Variants in BRD2 observed in about 807,000 individuals in gnomAD.
The protein encoded by BRD2 is bromodomain-containing protein 2.
Under a neutral mutation model 79.1 loss-of-function variants are expected in BRD2, and 15 were observed. The observed-to-expected ratio is 0.19, with a 90% confidence interval of 0.13 to 0.29. The LOEUF (loss-of-function observed/expected upper bound fraction) is 0.29. Among genes scored for constraint, BRD2 ranks in the 10% least tolerant of loss-of-function variants. The pLI, the probability that BRD2 is intolerant of heterozygous loss-of-function variation, is 1.00. For synonymous variants in BRD2, 488 were observed against 358.6 expected (o/e 1.36, Z -4.08); for missense variants, 1,053 against 991.3 (o/e 1.06, Z -0.84).
rs902105343 is a variant in BRD2, at chr6:32,974,542, C to T, written c.110C>T (p.Ser37Phe). The T allele has an allele frequency of 6.2e-7, 1 of 1,614,106 alleles. No individual in the cohort carries two copies. The highest frequency in any genetic ancestry group is 8.5e-7 in the Non-Finnish European group (1 of 1,180,044). The change falls in exon 3 of 13, where the codon TCT (serine) becomes TTT (phenylalanine). Residue 37 changes from serine (S) to phenylalanine (F), a missense_variant. Ser to Phe is a radical substitution (Grantham distance 155). This residue lies in a region of BRD2 where 413 missense variants were observed against 335.1 expected (regional missense o/e 1.23). Transcript: ENST00000374825. The stretch of plus-strand genomic sequence containing the variant: ...CCAGGGAAGAGGATTCGAAAACCCT[C>T]TCTCTTGTATGAGGGCTTTGAGAGC... ...AAPGKRIRKP[S>F]LLYEGFESPT...
At chr6:32,975,243 G>A in intron 3 of BRD2, 141 bp from the exon 4 acceptor site, 3 of 1,145,784 alleles carry the variant, frequency 2.6e-6, no homozygotes, top group Non-Finnish European at 3.6e-6. Context: ...CAGTTTAATT[G>A]GGGCCGCAGT....
chr6:32,972,798 T>C lies in BRD2; in HGVS notation c.-101T>C. The C allele has an allele frequency of 6.4e-7, 1 of 1,573,282 alleles. No homozygotes were observed. The highest frequency in any genetic ancestry group is 8.7e-7 in the Non-Finnish European group (1 of 1,149,752). ...GCCTGGAGGCCCAAGAGGAACGGCC[T>C]CCCCCCAACTTAGCGGGTTATGCTG... On this transcript the variant is annotated 5_prime_UTR_variant, in exon 2 of 13. Transcript: ENST00000374825.
chr6:32,977,245 G>C (rs750979578), intron 7 of BRD2, 197 bp from the exon 8 acceptor site: 3 of 1,537,090 alleles, frequency 2.0e-6, no homozygotes, highest in Non-Finnish European at 2.6e-6. Context: ...ACTTAGAAAT[G>C]ATTTCTTTTT....
intron 10 of BRD2, chr6:32,978,619 T>C (rs1779093509): frequency 4.6e-6 from 3 of 647,642 alleles, no homozygotes; most frequent in Non-Finnish European, 7.8e-6. Context: ...CCTCAGATCA[T>C]TGGGCCATTG....
Position 32,972,538 on chromosome 6 carries a change from A to C in BRD2, c.-361A>C. Reference sequence around the variant, plus strand: ...CGAAACGGGACCTCGTCGGCCCCGTAGGGGCCCGACAAGAAGAGGGAATCC... The same window carrying C: ...CGAAACGGGACCTCGTCGGCCCCGTCGGGGCCCGACAAGAAGAGGGAATCC... On this transcript the variant is annotated 5_prime_UTR_variant, in exon 2 of 13. Transcript: ENST00000374825. 8.2e-6 allele frequency: 3 copies of C among 363,642 alleles called. No homozygotes were observed. Among genetic ancestry groups the C allele is most frequent in the Non-Finnish European group, 1.0e-5 (2 of 197,636 alleles). The allele number at this position is 363,642 out of a possible 1,614,324, so 22.5% of individuals were successfully genotyped here.
chr6:32,975,267 C>T (rs915755586), intron 3 of BRD2, 117 bp from the exon 4 acceptor site: 3 of 1,100,316 alleles, frequency 2.7e-6, no homozygotes, highest in Non-Finnish European at 3.8e-6. Flanking sequence ...AGTAACTGTT[C>T]CTTTGATGCA....
Position 32,972,335 on chromosome 6 carries a change from T to A in BRD2, c.-564T>A. 1 of 375,754 alleles carries A rather than the reference T, an allele frequency of 2.7e-6. No homozygotes were observed. Among genetic ancestry groups the A allele is most frequent in the Non-Finnish European group, 5.1e-6 (1 of 196,422 alleles). The allele number at this position is 375,754 out of a possible 1,614,324, so 23.3% of individuals were successfully genotyped here. On this transcript the variant is annotated 5_prime_UTR_variant, in exon 2 of 13. It removes an upstream start codon present in the reference 5' UTR. Coordinates refer to ENST00000374825, the MANE Select transcript of BRD2 (RefSeq NM_005104.4). The stretch of plus-strand genomic sequence containing the variant: ...TGGAAATGGCCTTCGTCCCGGCCTA[T>A]GACTGGTCCCAGCGGGCAGTACAGA...
Position 32,971,868 on chromosome 6 carries a change from C to G in BRD2, c.-1031C>G. 1 of 701,362 alleles carries G rather than the reference C, an allele frequency of 1.4e-6. No individual in the cohort carries two copies. Among genetic ancestry groups the G allele is most frequent in the Non-Finnish European group, 2.6e-6 (1 of 384,232 alleles). 43.4% of individuals were successfully genotyped at this position (701,362 alleles called of 1,614,324 possible). On this transcript the variant is annotated 5_prime_UTR_variant, in exon 2 of 13. Coordinates refer to ENST00000374825, the MANE Select transcript of BRD2 (RefSeq NM_005104.4). ...ATGGCTTCCGCACCTCTTCCAACCA[C>G]CCTCTTTCCCTGGAGTCGGCGGACC... is the stretch of plus-strand genomic sequence containing the variant.
At position 32,969,395 on chromosome 6, in the gene BRD2, C is replaced by T. The variant is rs115570183; in HGVS notation, c.-1305+339C>T. 6.7e-3 allele frequency: 4,814 copies of T among 715,594 alleles called. 49 individuals carry two copies. The highest frequency in any genetic ancestry group is 0.032 in the African/African-American group (1,836 of 57,288). The allele number at this position is 715,594 out of a possible 1,614,324, so 44.3% of individuals were successfully genotyped here. ...GGCGGCCGAGGGAGGGGTGACCTGG[C>T]GGTGGGCTGAGGAGTGGTGGCTGTG... On this transcript the variant is annotated intron_variant, in intron 1 of 12. Transcript: ENST00000374825.
chr6:32,980,734 G>A lies in BRD2; in HGVS notation c.*16G>A, dbSNP rs1212323087. ...CTCAGGCTAAGGGGTCAGGCCAGAT[G>A]GGGCAGGAAGGCTCCGCAGGACCGG... On this transcript the variant is annotated 3_prime_UTR_variant, in exon 13 of 13. Coordinates refer to ENST00000374825, the MANE Select transcript of BRD2 (RefSeq NM_005104.4). 2 of 1,612,038 alleles carry A rather than the reference G, an allele frequency of 1.2e-6. No homozygotes were observed. Among genetic ancestry groups the A allele is most frequent in the Non-Finnish European group, 1.7e-6 (2 of 1,180,002 alleles).
chr6:32,975,297 T>G (rs1778583856), intron 3 of BRD2, 87 bp from the exon 4 acceptor site: 2 of 1,131,478 alleles, frequency 1.8e-6, no homozygotes, highest in South Asian at 1.4e-5. Flanking sequence ...TGTGTGTGTG[T>G]GTGTGTGTGT....
intron 1 of BRD2, chr6:32,970,210 G>A (rs2267646): frequency 6.6e-6 from 1 of 152,652 alleles, no homozygotes; most frequent in East Asian, 1.9e-4. Flanking sequence ...GGGCCGCTAG[G>A]GGGAGGGGAA....
rs575012265 is a variant in BRD2 at position 32,977,248 on chromosome 6, T to C, written c.1201-194T>C. On this transcript the variant is annotated intron_variant, in intron 7 of 12. Transcript: ENST00000374825. ...CACCTCTCTGTCACTTAGAAATGATTTCTTTTTCTAGACATAAATATTTCT... is the reference window on the plus strand; with the variant it reads ...CACCTCTCTGTCACTTAGAAATGATCTCTTTTTCTAGACATAAATATTTCT... 6.7e-5 allele frequency: 103 copies of C among 1,538,780 alleles called. 1 individual carries two copies. The East Asian group carries it at 2.5e-3, about 37-fold the overall frequency.
At chr6:32,969,425 C>G (rs1777751380) in intron 1 of BRD2, 2 of 709,232 alleles carry the variant, frequency 2.8e-6, no homozygotes, top group Non-Finnish European at 5.3e-6. Flanking sequence ...GCTGTGGCCC[C>G]TACCCGTGGA....
In BRD2 at chr6:32,979,860, C is replaced by G. The variant is rs1418307455; in HGVS notation, c.1874C>G (p.Pro625Arg). Residue 625 changes from proline (P) to arginine (R), a missense_variant, in exon 11 of 13, where the codon CCT (proline) becomes CGT (arginine). By Grantham distance (103) the Pro-to-Arg change is moderately radical (BLOSUM62 -2). Coordinates refer to ENST00000374825, the MANE Select transcript of BRD2 (RefSeq NM_005104.4). The part of the protein sequence containing the change: ...LPKKATKTAP[P>R]ALPTGYDSEE... ...AAAAAGGCCACAAAGACAGCCCCAC[C>G]TGCCCTGCCTACAGGTTATGATTCA... The G allele has an allele frequency of 2.5e-6, 4 of 1,612,858 alleles. No individual in the cohort carries two copies. Among genetic ancestry groups the G allele is most frequent in the Non-Finnish European group, 3.4e-6 (4 of 1,179,860 alleles).
At position 32,972,799 on chromosome 6, in the gene BRD2, C is replaced by T. The variant is rs919945373; in HGVS notation, c.-100C>T. The T allele has an allele frequency of 3.8e-6, 6 of 1,575,638 alleles. No individual in the cohort carries two copies. The highest frequency in any genetic ancestry group is 2.7e-5 in the African/African-American group (2 of 74,440). On this transcript the variant is annotated 5_prime_UTR_variant, in exon 2 of 13. Transcript: ENST00000374825. The stretch of plus-strand genomic sequence containing the variant: ...CCTGGAGGCCCAAGAGGAACGGCCT[C>T]CCCCCAACTTAGCGGGTTATGCTGG...
Position 32,974,764 on chromosome 6 carries a change from C to T in BRD2, c.332C>T (p.Pro111Leu), listed in dbSNP as rs759417400. The T allele has an allele frequency of 1.9e-5, 30 of 1,612,824 alleles. No homozygotes were observed. The highest frequency in any genetic ancestry group is 2.4e-5 in the Non-Finnish European group (28 of 1,179,218). ...GTGGATGCTGTCAAACTGGGTCTAC[C>T]GGTGAGTAGAGACATTGGAGCCGGG... ...QPVDAVKLGL[P>L]DYHKIIKQPM... Residue 111 changes from proline to leucine, a missense_variant and splice_region_variant, in exon 3 of 13, where the codon CCG becomes CTG. Coordinates refer to ENST00000374825, the MANE Select transcript of BRD2 (RefSeq NM_005104.4).
chr6:32,978,640 A>AGGAGCATGCAGCCTGGATAT (rs1391419461), intron 10 of BRD2: 1 of 604,240 alleles, frequency 1.7e-6, no homozygotes, highest in Non-Finnish European at 2.9e-6. Flanking sequence ...GATTCCCATA[A>AGGAGCATGCAGCCTGGATAT]GGAGCATGCA....
At chr6:32,978,482 T>C in intron 10 of BRD2, 94 bp downstream of exon 10, 1 of 1,532,868 alleles carries the variant, frequency 6.5e-7, no homozygotes, top group Non-Finnish European at 8.7e-7. Flanking sequence ...AAATGGCCAG[T>C]TAACAGATAC....
Sources: allele counts gnomAD v4.1 joint callset, GRCh38; gene constraint gnomAD v4.1.1; regional missense constraint gnomAD v4.1.1; transcripts MANE v1.5; gene names NCBI Gene and HGNC (gene_info 2026-07-23, HGNC 2026-07-21).